WDR7: variants seen among roughly 807,000 people sequenced by gnomAD.
The protein encoded by WDR7 is WD repeat-containing protein 7.
In WDR7, 46 loss-of-function variants were observed where a neutral mutation model predicts 169.4. That is an observed-to-expected ratio of 0.27 (90% confidence interval 0.21 to 0.35). The LOEUF (loss-of-function observed/expected upper bound fraction) is 0.35, where lower values mean the gene tolerates loss of function less well. Among genes scored for constraint, WDR7 ranks in the 10% least tolerant of loss-of-function variants. The pLI, the probability that WDR7 is intolerant of heterozygous loss-of-function variation, is 1.00. For missense variants in WDR7, 1,534 were observed against 1,859.3 expected (o/e 0.83, Z 3.22); for synonymous variants, 612 against 666.8 (o/e 0.92, Z 1.27).
chr18:56,991,233 G>A (rs1448752339), intron 26 of WDR7, among the ~76,000 whole-genome samples: 1 of 144,002 alleles, frequency 6.9e-6, no homozygotes, highest in Non-Finnish European at 1.5e-5. Flanking sequence ...CGCAAGCTCC[G>A]CCTCCTGGGT....
chr18:57,030,350 TATA>T (rs2048433645), downstream of WDR7: 1 of 152,246 alleles, frequency 6.6e-6, no homozygotes, highest in Non-Finnish European at 1.5e-5. Flanking sequence ...CGTGTAACAG[TATA>T]ATTTTCTGTA....
intron 26 of WDR7, among the ~76,000 whole-genome samples, chr18:56,965,113 G>A (rs934080722): frequency 1.3e-5 from 2 of 152,168 alleles, no homozygotes; most frequent in African/African-American, 2.4e-5. Context: ...AACAGAGGGT[G>A]TGGGACAATT....
At chr18:56,712,296 A>T (rs1335539754) in intron 12 of WDR7, among the ~76,000 whole-genome samples, 1 of 152,114 alleles carries the variant, frequency 6.6e-6, no homozygotes, top group Non-Finnish European at 1.5e-5. Context: ...GTCTTGTAAA[A>T]TGTGTAAGGT....
chr18:56,687,025 G>T, intron 7 of WDR7, 51 bp downstream of exon 7: 3 of 1,515,692 alleles, frequency 2.0e-6, no homozygotes, highest in Non-Finnish European at 2.7e-6. Flanking sequence ...TCAAGACATT[G>T]GTTTATCAGA....
chr18:57,010,404 T>A, intron 26 of WDR7: 3 of 477,686 alleles, frequency 6.3e-6, no homozygotes, highest in Non-Finnish European at 8.2e-6. Context: ...CCATGAATCA[T>A]CTTTAAGTAT....
intron 3 of WDR7, among the ~76,000 whole-genome samples, chr18:56,680,318 A>T (rs562258551): frequency 2.6e-5 from 4 of 152,316 alleles, no homozygotes; most frequent in Admixed American, 6.5e-5. Flanking sequence ...TGATTGTGCC[A>T]CTGCACTCCA....
At chr18:56,718,202 T>G in intron 13 of WDR7, 43 bp downstream of exon 13, 1 of 1,391,250 alleles carries the variant, frequency 7.2e-7, no homozygotes, top group Non-Finnish European at 9.5e-7. Flanking sequence ...ATTAAATGGG[T>G]GTATTTCATT....
intron 25 of WDR7, among the ~76,000 whole-genome samples, chr18:56,943,643 A>G (rs2047062170): frequency 6.6e-6 from 1 of 152,212 alleles, no homozygotes; most frequent in African/African-American, 2.4e-5. Flanking sequence ...AGTAATATAT[A>G]AGTAAAAAAC....
chr18:56,878,290 G>A (rs1010635544), intron 20 of WDR7, among the ~76,000 whole-genome samples: 5 of 152,164 alleles, frequency 3.3e-5, no homozygotes, highest in South Asian at 2.1e-4. Flanking sequence ...ATATCTGATT[G>A]CTGTTTTGCA....
Position 56,696,456 on chromosome 18 carries a change from CTG to C in WDR7, c.1574_1575del (p.Cys525Ter). On this transcript the variant is annotated frameshift_variant, in exon 12 of 28. Transcript: ENST00000254442. LOFTEE classifies it high-confidence loss of function. ...ITQLLVPPENCSARVQHCICS... is the reference protein window; with the variant it reads ...ITQLLVPPENXSARVQHCICS... ...CTCAACTTCTAGTTCCACCTGAAAACTGTAGTGTAAGTTGATTTATATAAAAG... is the reference window on the plus strand; with the variant it reads ...CTCAACTTCTAGTTCCACCTGAAAACTAGTGTAAGTTGATTTATATAAAAG... 6.2e-7 allele frequency: 1 copy of C among 1,610,966 alleles called. No homozygotes were observed. Among genetic ancestry groups the C allele is most frequent in the Non-Finnish European group, 8.5e-7 (1 of 1,178,382 alleles).
intron 20 of WDR7, among the ~76,000 whole-genome samples, chr18:56,860,533 A>G (rs1353316299): frequency 6.6e-6 from 1 of 152,184 alleles, no homozygotes; most frequent in Non-Finnish European, 1.5e-5. Context: ...GAGTAACCCT[A>G]TAATAATAAA....
chr18:56,666,771 C>G (rs1227986985), intron 1 of WDR7, among the ~76,000 whole-genome samples: 1 of 152,050 alleles, frequency 6.6e-6, no homozygotes, highest in African/African-American at 2.4e-5. Context: ...CTTTTGAGCT[C>G]TGAGATCAGT....
chr18:56,810,690 A>G (rs1261197168), intron 19 of WDR7, among the ~76,000 whole-genome samples: 1 of 152,140 alleles, frequency 6.6e-6, no homozygotes, highest in African/African-American at 2.4e-5. Context: ...TATATGGCAG[A>G]AAAAAGTATC....
At chr18:56,880,291 A>T (rs1026334144) in intron 21 of WDR7, 126 bp downstream of exon 21, 6 of 893,862 alleles carry the variant, frequency 6.7e-6, no homozygotes, top group African/African-American at 3.4e-5. Flanking sequence ...GAAGTTAGAA[A>T]GCAGTACAAT....
At chr18:56,724,382 G>A (rs2026394400) in intron 13 of WDR7, among the ~76,000 whole-genome samples, 1 of 151,280 alleles carries the variant, frequency 6.6e-6, no homozygotes, top group Non-Finnish European at 1.5e-5. Context: ...TTAATTTTTT[G>A]TATTTTTAGT....
chr18:56,792,896 A>G (rs2044516839), intron 19 of WDR7, among the ~76,000 whole-genome samples: 1 of 152,130 alleles, frequency 6.6e-6, no homozygotes, highest in Non-Finnish European at 1.5e-5. Flanking sequence ...ATTTGTTGTC[A>G]TGCGGGACAA....
intron 22 of WDR7, among the ~76,000 whole-genome samples, chr18:56,924,724 T>A (rs1034541850): frequency 5.3e-5 from 8 of 152,244 alleles, no homozygotes; most frequent in African/African-American, 1.9e-4. Context: ...TACTGTTGGT[T>A]TGAAAACTCA....
intron 21 of WDR7, among the ~76,000 whole-genome samples, chr18:56,919,323 C>T (rs2145628699): frequency 6.6e-6 from 1 of 152,312 alleles, no homozygotes; most frequent in East Asian, 1.9e-4. Flanking sequence ...ACCCTCCTCC[C>T]ACTTCCTGCC....
chr18:56,799,629 A>C (rs977443451), intron 19 of WDR7, among the ~76,000 whole-genome samples: 1 of 152,184 alleles, frequency 6.6e-6, no homozygotes, highest in Non-Finnish European at 1.5e-5. Flanking sequence ...AGTATTTTAC[A>C]TATTATTAAT....
Sources: allele counts gnomAD v4.1 joint callset (sites outside exome capture counted in the v4.1 genomes callset), GRCh38; gene constraint gnomAD v4.1.1; transcripts MANE v1.5; gene names NCBI Gene and HGNC (gene_info 2026-07-23, HGNC 2026-07-21).